Variants in EYS observed in about 807,000 individuals in gnomAD.
EYS encodes the protein EGF-like photoreceptor maintenance factor.
EYS carries 250 observed loss-of-function variants against 282.1 expected under a neutral mutation model. That is an observed-to-expected ratio of 0.89 (90% CI 0.80 to 0.98). The LOEUF (loss-of-function observed/expected upper bound fraction) is 0.98. Ranked by LOEUF, EYS falls within the 50% of genes least tolerant of loss-of-function variation. The probability of loss-of-function intolerance (pLI) is 0.00; values close to 1 mark genes in which losing one functional copy is unlikely to be tolerated. For synonymous variants in EYS, 1,355 were observed against 1,282.9 expected (o/e 1.06, Z -1.20); for missense variants, 4,016 against 3,709.0 (o/e 1.08, Z -2.15).
chr6:65,622,998 T>C (rs1766576041), intron 2 of EYS, among the ~76,000 whole-genome samples: 1 of 152,186 alleles, frequency 6.6e-6, no homozygotes, highest in African/African-American at 2.4e-5. Flanking sequence ...GCTCATGTGA[T>C]TCTCCCACTT....
chr6:64,828,601 G>A (rs1325198593), intron 19 of EYS, among the ~76,000 whole-genome samples: 1 of 151,946 alleles, frequency 6.6e-6, no homozygotes, highest in Non-Finnish European at 1.5e-5. Flanking sequence ...GGCATGTCTG[G>A]GTAGTTGTAG....
intron 10 of EYS, among the ~76,000 whole-genome samples, chr6:65,341,050 G>A (rs1305627733): frequency 1.3e-5 from 2 of 150,884 alleles, no homozygotes; most frequent in Non-Finnish European, 3.0e-5. Flanking sequence ...TATACAAATA[G>A]GAAAACTCTC....
At chr6:65,289,757 C>A (rs1372651592) in intron 12 of EYS, among the ~76,000 whole-genome samples, 1 of 151,168 alleles carries the variant, frequency 6.6e-6, no homozygotes, top group Non-Finnish European at 1.5e-5. Context: ...GAATTTTTCT[C>A]AGCACACTTC....
chr6:65,390,939 C>A (rs980497977), intron 7 of EYS, among the ~76,000 whole-genome samples: 10 of 151,824 alleles, frequency 6.6e-5, no homozygotes, highest in African/African-American at 2.2e-4. Context: ...GGAAAATATT[C>A]TGTGGACAAA....
At chr6:64,270,064 T>C (rs1006067892) in intron 30 of EYS, among the ~76,000 whole-genome samples, 1 of 152,154 alleles carries the variant, frequency 6.6e-6, no homozygotes, top group African/African-American at 2.4e-5. Flanking sequence ...GTTGGATAAT[T>C]GGATAATGGC....
intron 41 of EYS, among the ~76,000 whole-genome samples, chr6:63,747,451 G>A (rs1002758577): frequency 6.6e-6 from 1 of 152,198 alleles, no homozygotes; most frequent in Non-Finnish European, 1.5e-5. Context: ...TTCTGTAGAT[G>A]TCTATTAGGT....
At chr6:64,850,613 T>C (rs1428663101) in intron 19 of EYS, among the ~76,000 whole-genome samples, 1 of 151,918 alleles carries the variant, frequency 6.6e-6, no homozygotes, top group Non-Finnish European at 1.5e-5. Flanking sequence ...CAGTATTAGA[T>C]AGAAAAGGTA....
In EYS at chr6:63,888,765, G is replaced by C. The variant is rs148088663; in HGVS notation, c.7056-24407C>G. 6.6e-3 allele frequency among the ~76,000 whole-genome samples: 1,006 copies of C among 152,322 alleles called. 3 individuals are homozygous for C. Among genetic ancestry groups the C allele is most frequent in the East Asian group, 0.015 (76 of 5,180 alleles). ...GGATCACAACTTCGTGTAAGCAAGG[G>C]CACAAAACTGGATGGAGAATGAGTT... is the stretch of plus-strand genomic sequence containing the variant. On this transcript the variant is annotated intron_variant, in intron 35 of 42. Transcript: ENST00000503581.
intron 7 of EYS, among the ~76,000 whole-genome samples, chr6:65,392,548 G>T (rs1234460605): frequency 2.0e-5 from 3 of 152,318 alleles, no homozygotes; most frequent in Middle Eastern, 3.4e-3. Flanking sequence ...AGACATTTGT[G>T]CAGGCAAAAG....
intron 31 of EYS, among the ~76,000 whole-genome samples, chr6:64,172,843 T>C (rs1764522349): frequency 6.6e-6 from 1 of 152,180 alleles, no homozygotes; most frequent in Admixed American, 6.5e-5. Context: ...GGGATCAAGG[T>C]TGCAAGCTCC....
At position 65,239,879 on chromosome 6, in the gene EYS, G is replaced by GA. The variant is rs1368530366; in HGVS notation, c.2023+55983dup. 2.0e-5 allele frequency among the ~76,000 whole-genome samples: 3 copies of GA among 150,552 alleles called. No individual in the cohort carries two copies. In the East Asian group the frequency reaches 5.8e-4, roughly 29 times the overall value. On this transcript the variant is annotated intron_variant, in intron 12 of 42. Transcript: ENST00000503581. The stretch of plus-strand genomic sequence containing the variant: ...AATGTTTTACTTTGTACTATAAGCA[G>GA]AAAAAAAATCTGTTAAGAAACTAAC...
intron 2 of EYS, among the ~76,000 whole-genome samples, chr6:65,619,326 G>T (rs1766369055): frequency 2.6e-5 from 4 of 151,856 alleles, no homozygotes; most frequent in African/African-American, 7.2e-5. Flanking sequence ...TTATGAATGG[G>T]AGTTCACTCA....
chr6:64,130,033 C>A (rs1582313256), intron 31 of EYS, among the ~76,000 whole-genome samples: 1 of 152,102 alleles, frequency 6.6e-6, no homozygotes, highest in African/African-American at 2.4e-5. Context: ...GTTACTGTAG[C>A]CTTGTAGTAT....
intron 5 of EYS, among the ~76,000 whole-genome samples, chr6:65,487,137 T>G (rs1382630650): frequency 6.7e-6 from 1 of 150,024 alleles, no homozygotes; most frequent in Non-Finnish European, 1.5e-5. Context: ...CAATTTGACT[T>G]CCTCTCTTCC....
chr6:65,579,681 G>C (rs1290612464), intron 2 of EYS, among the ~76,000 whole-genome samples: 1 of 151,950 alleles, frequency 6.6e-6, no homozygotes, highest in East Asian at 1.9e-4. Flanking sequence ...CTTTTTATAA[G>C]GTCACCCATT....
Position 63,998,144 on chromosome 6 carries a change from C to T in EYS, c.6834+931G>A, listed in dbSNP as rs146900133. Among the ~76,000 whole-genome samples the T allele has an allele frequency of 5.6e-4, 85 of 152,168 alleles. 1 individual carries two copies. The highest frequency in any genetic ancestry group is 3.4e-3 in the Middle Eastern group (1 of 294). Reference sequence around the variant, plus strand: ...GACACAAAAGTGCTGGGAAACAGAGCCTGAGATAGAGCCTCCTTTCTTATC... The same window carrying T: ...GACACAAAAGTGCTGGGAAACAGAGTCTGAGATAGAGCCTCCTTTCTTATC... On this transcript the variant is annotated intron_variant, in intron 34 of 42. Transcript: ENST00000503581.
chr6:64,032,242 A>G (rs1769886872), intron 33 of EYS, among the ~76,000 whole-genome samples: 1 of 151,928 alleles, frequency 6.6e-6, no homozygotes, highest in African/African-American at 2.4e-5. Flanking sequence ...CTCCCGACGC[A>G]CCACCTTAAG....
At chr6:64,536,112 T>C (rs1024162187) in intron 26 of EYS, among the ~76,000 whole-genome samples, 5 of 152,098 alleles carry the variant, frequency 3.3e-5, no homozygotes, top group Admixed American at 1.3e-4. Context: ...TATATAAATA[T>C]GTCAAAAATC....
intron 33 of EYS, among the ~76,000 whole-genome samples, chr6:64,023,253 C>T (rs750000548): frequency 2.6e-5 from 4 of 152,182 alleles, no homozygotes; most frequent in African/African-American, 4.8e-5. Context: ...AAATCTATTT[C>T]TCTGTTGATC....
Sources: gnomAD v4.1 joint callset for allele counts (sites outside exome capture counted in the v4.1 genomes callset) on GRCh38, gnomAD v4.1.1 for gene constraint, MANE v1.5 for transcripts, NCBI Gene and HGNC (gene_info 2026-07-23, HGNC 2026-07-21) for gene names.